DNAAF4: variants seen among roughly 807,000 people sequenced by gnomAD.
DNAAF4 encodes dynein axonemal assembly factor 4.
Under a neutral mutation model 51.8 loss-of-function variants are expected in DNAAF4, and 43 were observed. The observed-to-expected ratio is 0.83, with a 90% CI of 0.65 to 1.07. The LOEUF is 1.07. Among genes scored for constraint, DNAAF4 ranks in the 50% least tolerant of loss-of-function variants. The pLI, the probability that DNAAF4 is intolerant of heterozygous loss-of-function variation, is 0.00. For synonymous variants in DNAAF4, 194 were observed against 165.6 expected (o/e 1.17, Z -1.32); for missense variants, 581 against 493.0 (o/e 1.18, Z -1.69).
chr15:55,479,340 T>C (rs796281539), intron 4 of DNAAF4, among the ~76,000 whole-genome samples: 10 of 152,152 alleles, frequency 6.6e-5, no homozygotes, highest in African/African-American at 2.4e-4. Flanking sequence ...TATGGACATT[T>C]ATCAGTTCCC....
At chr15:55,451,032 G>T (rs1011955679) in intron 5 of DNAAF4, among the ~76,000 whole-genome samples, 2 of 152,196 alleles carry the variant, frequency 1.3e-5, no homozygotes, top group Non-Finnish European at 1.5e-5. Flanking sequence ...GGGAGGTGGA[G>T]GTTGCAGTTA....
chr15:55,450,517 G>T (rs2057915860), intron 5 of DNAAF4, 150 bp from the exon 6 acceptor site: 1 of 933,972 alleles, frequency 1.1e-6, no homozygotes, highest in Non-Finnish European at 1.6e-6. Flanking sequence ...GCAAAATTTA[G>T]CAATGATAAT....
intron 7 of DNAAF4, among the ~76,000 whole-genome samples, chr15:55,419,959 C>T (rs747398388): frequency 2.6e-5 from 4 of 151,862 alleles, no homozygotes; most frequent in Non-Finnish European, 4.4e-5. Context: ...GCCAAGATCA[C>T]GCCATTGCAC....
chr15:55,435,140 A>T, intron 7 of DNAAF4, 82 bp from the exon 8 acceptor site: 1 of 1,443,490 alleles, frequency 6.9e-7, no homozygotes, highest in South Asian at 1.4e-5. Flanking sequence ...TATTTGACAA[A>T]GAGGATGGCT....
Position 55,498,445 on chromosome 15 carries a change from G to T in DNAAF4, c.-116C>A, listed in dbSNP as rs1308916584. The T allele has an allele frequency of 8.2e-6, 12 of 1,457,268 alleles. No individual in the cohort carries two copies. Among genetic ancestry groups the T allele is most frequent in the African/African-American group, 1.4e-5 (1 of 69,780 alleles). The allele number at this position is 1,457,268 out of a possible 1,614,324, so 90.3% of individuals were successfully genotyped here. A position where few individuals can be genotyped will look rare whatever the true frequency, so the allele number is the denominator to read the frequency against. On this transcript the variant is annotated 5_prime_UTR_variant, in exon 2 of 10. Coordinates refer to ENST00000321149, the MANE Select transcript of DNAAF4 (RefSeq NM_130810.4). ...TCCGGGTCAGGCCGGCCGGGAGCCC[G>T]GCGTTCCCAGCGTGCTCCGGCGCCA...
At chr15:55,501,822 C>T (rs1289982956) in intron 1 of DNAAF4, among the ~76,000 whole-genome samples, 1 of 151,898 alleles carries the variant, frequency 6.6e-6, no homozygotes, top group Non-Finnish European at 1.5e-5. Flanking sequence ...GCAGGTGGAT[C>T]ACTTGAGGTT....
intron 1 of DNAAF4, among the ~76,000 whole-genome samples, chr15:55,503,143 A>G (rs1014223569): frequency 1.3e-5 from 2 of 152,174 alleles, no homozygotes; most frequent in African/African-American, 4.8e-5. Flanking sequence ...AATACTATAA[A>G]CACCTCTACG....
chr15:55,431,666 G>A (rs942210469), intron 9 of DNAAF4, among the ~76,000 whole-genome samples: 1 of 151,966 alleles, frequency 6.6e-6, no homozygotes, highest in Non-Finnish European at 1.5e-5. Context: ...TTTTAGTAGA[G>A]ACGGGGTTTC....
chr15:55,433,548 C>A (rs1275548399), intron 8 of DNAAF4, among the ~76,000 whole-genome samples: 2 of 146,852 alleles, frequency 1.4e-5, no homozygotes, highest in Non-Finnish European at 3.0e-5. Flanking sequence ...ATGGCGTGAA[C>A]CGGGGAGGCG....
intron 6 of DNAAF4, among the ~76,000 whole-genome samples, chr15:55,447,457 T>C (rs995941459): frequency 7.3e-5 from 11 of 151,486 alleles, no homozygotes; most frequent in Admixed American, 5.3e-4. Flanking sequence ...CGAGCCGAGA[T>C]CATGCCACTG....
intron 6 of DNAAF4, among the ~76,000 whole-genome samples, chr15:55,446,357 A>G (rs1171151677): frequency 2.7e-4 from 31 of 115,294 alleles, no homozygotes; most frequent in African/African-American, 1.1e-3. Context: ...GGCCAGGCAG[A>G]GGCACTCCTC....
chr15:55,455,405 T>TATATATATAC, intron 5 of DNAAF4, among the ~76,000 whole-genome samples: 1 of 142,068 alleles, frequency 7.0e-6, no homozygotes, highest in South Asian at 2.1e-4. Context: ...TATATATATA[T>TATATATATAC]ATATATATTC....
chr15:55,436,487 G>C (rs1251724652), intron 7 of DNAAF4, among the ~76,000 whole-genome samples: 1 of 151,632 alleles, frequency 6.6e-6, no homozygotes, highest in Non-Finnish European at 1.5e-5. Flanking sequence ...AGGTTTAAGT[G>C]ATTCTCATGC....
Position 55,498,396 on chromosome 15 carries a change from C to A in DNAAF4, c.-67G>T. 1 of 1,561,702 alleles carries A rather than the reference C, an allele frequency of 6.4e-7. No homozygotes were observed. The highest frequency in any genetic ancestry group is 8.7e-7 in the Non-Finnish European group (1 of 1,152,726). On this transcript the variant is annotated 5_prime_UTR_variant, in exon 2 of 10. Transcript: ENST00000321149. Reference sequence around the variant, plus strand: ...TGCGCCTGCTTGGTTGCTAGGGAAGCTGGGGTTACCATGCGCCAGCCCTTC... The same window carrying A: ...TGCGCCTGCTTGGTTGCTAGGGAAGATGGGGTTACCATGCGCCAGCCCTTC...
chr15:55,488,284 T>G (rs1295914741), intron 4 of DNAAF4, among the ~76,000 whole-genome samples: 3 of 152,186 alleles, frequency 2.0e-5, no homozygotes, highest in Non-Finnish European at 4.4e-5. Context: ...ACACACAGTA[T>G]AGCGAATTGA....
chr15:55,498,068 G>C, intron 2 of DNAAF4, 139 bp downstream of exon 2: 5 of 1,449,156 alleles, frequency 3.5e-6, no homozygotes, highest in Non-Finnish European at 4.7e-6. Context: ...TTACCTGTAT[G>C]GGATTCATTT....
Position 55,439,444 on chromosome 15 carries a change from G to T in DNAAF4, c.893+28C>A, listed in dbSNP as rs372190872. On this transcript the variant is annotated intron_variant, in intron 7 of 9. Transcript: ENST00000321149. ...TGCTAATGTCTTCATACATGATAAA[G>T]CTCATGATCAGAGTTCAAACAACTT... is the stretch of plus-strand genomic sequence containing the variant. The T allele has an allele frequency of 1.6e-4, 242 of 1,556,534 alleles. 1 individual carries two copies. The highest frequency in any genetic ancestry group is 1.0e-3 in the Middle Eastern group (6 of 5,968).
At chr15:55,427,222 C>G (rs948188597), downstream of DNAAF4, among the ~76,000 whole-genome samples, 1 of 152,058 alleles carries the variant, frequency 6.6e-6, no homozygotes, top group Admixed American at 6.6e-5. Flanking sequence ...CCCGCCACCA[C>G]ACCCGGCTGA....
intron 6 of DNAAF4, among the ~76,000 whole-genome samples, chr15:55,440,485 TCTC>T (rs1184573135): frequency 1.3e-5 from 2 of 151,930 alleles, no homozygotes; most frequent in African/African-American, 4.8e-5. Flanking sequence ...TTCACACCAT[TCTC>T]CTGCCTCAGC....
Sources: gnomAD v4.1 joint callset for allele counts (sites outside exome capture counted in the v4.1 genomes callset) on GRCh38, gnomAD v4.1.1 for gene constraint, MANE v1.5 for transcripts, NCBI Gene and HGNC (gene_info 2026-07-23, HGNC 2026-07-21) for gene names.